SRP68: variants seen among roughly 807,000 people sequenced by gnomAD.
SRP68 encodes the protein signal recognition particle subunit SRP68.
Under a neutral mutation model 82.2 loss-of-function variants are expected in SRP68, and 15 were observed. That is an observed-to-expected ratio of 0.18 (90% CI 0.12 to 0.28). SRP68 has a LOEUF of 0.28. Among genes scored for constraint, SRP68 ranks in the 10% least tolerant of loss-of-function variants. The pLI, the probability that SRP68 is intolerant of heterozygous loss-of-function variation, is 1.00. For synonymous variants in SRP68, 261 were observed against 292.6 expected (o/e 0.89, Z 1.10); for missense variants, 595 against 780.5 (o/e 0.76, Z 2.83).
rs1203286037 is a variant in SRP68, at chr17:76,067,443, T to C, written c.252-113A>G. The C allele has an allele frequency of 9.8e-6, 7 of 716,708 alleles. No individual in the cohort carries two copies. In the East Asian group the frequency reaches 1.9e-4, roughly 19 times the overall value. 44.4% of individuals were successfully genotyped at this position (716,708 alleles called of 1,614,324 possible). ...ATGGTTTGGGATATTATACTTATGG[T>C]TACTAGAATTATCACATATCAGCTT... On this transcript the variant is annotated intron_variant, in intron 2 of 15. Transcript: ENST00000307877.
rs779576471 is a variant in SRP68, at chr17:76,046,169, T to C, written c.1168A>G (p.Thr390Ala). The C allele has an allele frequency of 4.3e-6, 7 of 1,613,840 alleles. No individual in the cohort carries two copies. The highest frequency in any genetic ancestry group is 5.1e-6 in the Non-Finnish European group (6 of 1,179,840). ...HSYLTYIKLS[T>A]AIKRNENMAK... ...ATGTTCTCATTACGCTTGATTGCCG[T>C]TGATAGCTTGATGTAAGTCAGGTAG... The change falls in exon 11 of 16, where the codon ACG becomes GCG. Residue 390 changes from threonine to alanine, a missense_variant. By Grantham distance (58) the Thr-to-Ala change is moderately conservative. Around this residue, in one of 2 missense-constraint regions of SRP68, gnomAD observed 495 missense variants for 688.6 expected, o/e 0.72. Coordinates refer to ENST00000307877, the MANE Select transcript of SRP68 (RefSeq NM_014230.4).
At chr17:76,053,435 G>A (rs147730090) in intron 8 of SRP68, 4 of 985,146 alleles carry the variant, frequency 4.1e-6, no homozygotes, top group African/African-American at 1.7e-5. Flanking sequence ...AGAAAAGAGC[G>A]AACTTCGTCT....
At chr17:76,066,449 CAAA>C (rs776048043) in intron 3 of SRP68, among the ~76,000 whole-genome samples, 7 of 58,932 alleles carry the variant, frequency 1.2e-4, no homozygotes, top group Non-Finnish European at 2.0e-4. Flanking sequence ...GACTCCGTCT[CAAA>C]AAAAAAAAAA....
At chr17:76,065,976 G>A (rs1377426639) in intron 3 of SRP68, among the ~76,000 whole-genome samples, 1 of 151,516 alleles carries the variant, frequency 6.6e-6, no homozygotes, top group Non-Finnish European at 1.5e-5. Context: ...CTATGTGAAT[G>A]GGCGTGGCTG....
chr17:76,058,132 C>T (rs2066725337), intron 7 of SRP68, among the ~76,000 whole-genome samples: 1 of 148,484 alleles, frequency 6.7e-6, no homozygotes, highest in African/African-American at 2.5e-5. Context: ...GTCACCATGC[C>T]TGGCTAATTT....
chr17:76,056,272 T>C (rs1371420319), intron 8 of SRP68, among the ~76,000 whole-genome samples: 1 of 152,176 alleles, frequency 6.6e-6, no homozygotes, highest in Non-Finnish European at 1.5e-5. Flanking sequence ...CTGTCTCTGC[T>C]GTCTGGCACT....
At chr17:76,047,359 TGCCTG>T (rs1205325840) in intron 10 of SRP68, among the ~76,000 whole-genome samples, 1 of 152,194 alleles carries the variant, frequency 6.6e-6, no homozygotes, top group Non-Finnish European at 1.5e-5. Flanking sequence ...TGAGCCACCA[TGCCTG>T]GCTGTGTTCT....
At chr17:76,062,573 A>ATGTATAT (rs1555629303) in intron 4 of SRP68, among the ~76,000 whole-genome samples, 1 of 50,178 alleles carries the variant, frequency 2.0e-5, no homozygotes, top group African/African-American at 1.4e-4. Flanking sequence ...ATATTATATA[A>ATGTATAT]TATACATTAT....
chr17:76,041,118 C>T, intron 13 of SRP68, 140 bp from the exon 14 acceptor site: 1 of 563,972 alleles, frequency 1.8e-6, no homozygotes, highest in Non-Finnish European at 3.1e-6. Flanking sequence ...TAGAACAAAA[C>T]AAAACAAAGC....
chr17:76,065,909 T>C (rs913025715), intron 3 of SRP68, among the ~76,000 whole-genome samples: 2 of 151,514 alleles, frequency 1.3e-5, no homozygotes, highest in Admixed American at 6.6e-5. Context: ...TCTCCTTCTA[T>C]ATCTAGTGTG....
chr17:76,072,081 C>T lies in SRP68; in HGVS notation c.184+227G>A. On this transcript the variant is annotated intron_variant, in intron 1 of 15. Coordinates refer to ENST00000307877, the MANE Select transcript of SRP68 (RefSeq NM_014230.4). This position sits in a 1 kb window ranked among gnomAD's most constrained non-coding sequence, Gnocchi z 4.5. ...GGGAAACCTGCCTGATATCCCAGTGCCACTGGAAGAAACGGACCTAGCCAG... is the reference window on the plus strand; with the variant it reads ...GGGAAACCTGCCTGATATCCCAGTGTCACTGGAAGAAACGGACCTAGCCAG... The T allele has an allele frequency of 1.3e-6, 1 of 780,792 alleles. No homozygotes were observed. Among genetic ancestry groups the T allele is most frequent in the Non-Finnish European group, 2.0e-6 (1 of 508,666 alleles). 48.4% of individuals were successfully genotyped at this position (780,792 alleles called of 1,614,324 possible). A position where few individuals can be genotyped will look rare whatever the true frequency, so the allele number is the denominator to read the frequency against.
intron 12 of SRP68, 28 bp downstream of exon 12, chr17:76,045,264 G>A: frequency 6.3e-7 from 1 of 1,584,178 alleles, no homozygotes; most frequent in Non-Finnish European, 8.7e-7. Context: ...GGAGGCGGAG[G>A]AAAACTGCCC....
chr17:76,070,221 T>A (rs1407626954), intron 2 of SRP68, among the ~76,000 whole-genome samples, 157 bp downstream of exon 2: 2 of 27,820 alleles, frequency 7.2e-5, no homozygotes, highest in Admixed American at 5.7e-4. Flanking sequence ...AGACTCCATC[T>A]CAAAAAAAAA....
chr17:76,069,759 T>A, intron 2 of SRP68, among the ~76,000 whole-genome samples: 1 of 144,436 alleles, frequency 6.9e-6, no homozygotes, highest in South Asian at 2.2e-4. Flanking sequence ...GCTACCAGGG[T>A]ATAGATTATT....
At chr17:76,040,721 CA>C in intron 14 of SRP68, 181 bp downstream of exon 14, 1 of 669,406 alleles carries the variant, frequency 1.5e-6, no homozygotes, top group Non-Finnish European at 2.6e-6. Context: ...GCCAGTGTAA[CA>C]GTGCACTCGA....
intron 9 of SRP68, 189 bp from the exon 10 acceptor site, chr17:76,048,159 T>G (rs2066645464): frequency 6.4e-6 from 2 of 310,744 alleles, no homozygotes; most frequent in Non-Finnish European, 1.2e-5. Flanking sequence ...AAGTTGCCAC[T>G]GGCATCTAAA....
rs2066572250 is a variant in SRP68 at position 76,039,451 on chromosome 17, G to A, written c.*255C>T. 1 of 638,284 alleles carries A rather than the reference G, an allele frequency of 1.6e-6. No individual in the cohort carries two copies. Among genetic ancestry groups the A allele is most frequent in the Non-Finnish European group, 2.9e-6 (1 of 344,926 alleles). The allele number at this position is 638,284 out of a possible 1,614,324, so 39.5% of individuals were successfully genotyped here. On this transcript the variant is annotated 3_prime_UTR_variant, in exon 16 of 16. Coordinates refer to ENST00000307877, the MANE Select transcript of SRP68 (RefSeq NM_014230.4). ...ATCACAGCTCACAGGGCACCAGACA[G>A]CAGCGGCCCCTTTCCCAGGAGGTAC...
intron 10 of SRP68, 64 bp downstream of exon 10, chr17:76,047,842 A>G (rs2066642870): frequency 9.3e-6 from 8 of 858,378 alleles, no homozygotes; most frequent in Middle Eastern, 4.0e-4. Flanking sequence ...TAAATATTAC[A>G]TATACTCTTT....
chr17:76,044,404 AG>A (rs1598258202), intron 12 of SRP68, among the ~76,000 whole-genome samples: 2 of 152,194 alleles, frequency 1.3e-5, no homozygotes, highest in East Asian at 1.9e-4. Flanking sequence ...TGGGCTCAGC[AG>A]AGCCTGAGCG....
Sources: gnomAD v4.1 joint callset for allele counts (sites outside exome capture counted in the v4.1 genomes callset) on GRCh38, gnomAD v4.1.1 for gene constraint, gnomAD v4.1.1 regional missense constraint, Gnocchi (gnomAD v3.1) non-coding constraint, MANE v1.5 for transcripts, NCBI Gene and HGNC (gene_info 2026-07-23, HGNC 2026-07-21) for gene names.